The following ABCG2 variants were observed in gnomAD, a reference collection of about 807,000 sequenced individuals.
ABCG2 encodes the protein ATP binding cassette subfamily G member 2 (JR blood group), also known as broad substrate specificity ATP-binding cassette transporter ABCG2.
ABCG2 carries 80 observed loss-of-function variants against 73.5 expected under a neutral mutation model. The observed-to-expected ratio is 1.09, with a 90% confidence interval of 0.91 to 1.31. ABCG2 has a LOEUF of 1.31. Among genes scored for constraint, ABCG2 ranks in the 50% most tolerant of loss-of-function variants. ABCG2 has a pLI of 0.00. For missense variants in ABCG2, 796 were observed against 786.2 expected (o/e 1.01, Z -0.15); for synonymous variants, 269 against 282.4 (o/e 0.95, Z 0.48).
intron 1 of ABCG2, among the ~76,000 whole-genome samples, chr4:88,194,687 T>C (rs1021015602): frequency 1.7e-4 from 26 of 152,046 alleles, no homozygotes; most frequent in African/African-American, 5.6e-4. Flanking sequence ...TTTCTTCCAC[T>C]GTCTTACAGC....
chr4:88,183,034 G>A (rs773064102), intron 1 of ABCG2, among the ~76,000 whole-genome samples: 6 of 143,924 alleles, frequency 4.2e-5, no homozygotes, highest in South Asian at 2.2e-4. Context: ...GCAGTGAGCC[G>A]AGATCGCACC....
At chr4:88,185,955 C>CA (rs1469344665) in intron 1 of ABCG2, among the ~76,000 whole-genome samples, 1 of 152,042 alleles carries the variant, frequency 6.6e-6, no homozygotes, top group Non-Finnish European at 1.5e-5. Context: ...GGAGGTTTCT[C>CA]AAAAAACTAA....
chr4:88,132,495 G>A (rs1724960393), intron 3 of ABCG2, 81 bp downstream of exon 3: 1 of 1,428,738 alleles, frequency 7.0e-7, no homozygotes, highest in Non-Finnish European at 9.9e-7. Flanking sequence ...ATAAATACCT[G>A]CTCGCACACA....
At chr4:88,124,192 C>G (rs1049969416) in intron 5 of ABCG2, among the ~76,000 whole-genome samples, 1 of 152,160 alleles carries the variant, frequency 6.6e-6, no homozygotes, top group African/African-American at 2.4e-5. Context: ...AAAACTGGTA[C>G]CAGTGACTGC....
chr4:88,135,624 T>TGA (rs1277967551), intron 2 of ABCG2, among the ~76,000 whole-genome samples: 1 of 151,758 alleles, frequency 6.6e-6, no homozygotes, highest in South Asian at 2.1e-4. Context: ...TTTATCAGCG[T>TGA]GAAAGTGTGT....
chr4:88,102,784 G>A (rs957559555), intron 10 of ABCG2, among the ~76,000 whole-genome samples: 4 of 151,746 alleles, frequency 2.6e-5, no homozygotes, highest in African/African-American at 9.7e-5. Flanking sequence ...TTTAAATGGC[G>A]TAAAAACAAG....
chr4:88,202,354 T>TATATATATACATATATATATA (rs1553945717), intron 1 of ABCG2, among the ~76,000 whole-genome samples: 1 of 62,086 alleles, frequency 1.6e-5, no homozygotes, highest in Admixed American at 2.4e-4. Context: ...CTACAATTAT[T>TATATATATACATATATATATA]TATATATATA....
chr4:88,152,931 G>A (rs893086754), intron 1 of ABCG2, among the ~76,000 whole-genome samples: 3 of 152,070 alleles, frequency 2.0e-5, no homozygotes, highest in African/African-American at 7.2e-5. Context: ...GTGATATTGT[G>A]GGGTTGTTAG....
chr4:88,194,896 T>C (rs1283190943), intron 1 of ABCG2, among the ~76,000 whole-genome samples: 1 of 152,114 alleles, frequency 6.6e-6, no homozygotes, highest in East Asian at 1.9e-4. Flanking sequence ...ACTGGGACTT[T>C]GAGCTTTAAT....
chr4:88,109,410 T>C (rs546780512), intron 9 of ABCG2, among the ~76,000 whole-genome samples: 1 of 152,356 alleles, frequency 6.6e-6, no homozygotes, highest in African/African-American at 2.4e-5. Context: ...GTTTCAAAGT[T>C]CTAAAAATGT....
At chr4:88,220,965 G>A (rs1461568286) in intron 1 of ABCG2, among the ~76,000 whole-genome samples, 4 of 152,082 alleles carry the variant, frequency 2.6e-5, no homozygotes, top group East Asian at 1.9e-4. Context: ...AACCTCTTCC[G>A]TTTATAAATT....
At chr4:88,209,091 T>C (rs1729487278) in intron 1 of ABCG2, among the ~76,000 whole-genome samples, 1 of 151,962 alleles carries the variant, frequency 6.6e-6, no homozygotes, top group Admixed American at 6.6e-5. Context: ...GGCAGTCGGA[T>C]CACCTGAGGT....
At chr4:88,195,073 T>G (rs1434035645) in intron 1 of ABCG2, among the ~76,000 whole-genome samples, 1 of 152,136 alleles carries the variant, frequency 6.6e-6, no homozygotes, top group Non-Finnish European at 1.5e-5. Context: ...TTTTACACAT[T>G]TAAAATATTT....
intron 1 of ABCG2, among the ~76,000 whole-genome samples, chr4:88,144,689 T>C (rs1339889349): frequency 6.6e-6 from 1 of 152,086 alleles, no homozygotes; most frequent in Non-Finnish European, 1.5e-5. Flanking sequence ...ACTCCTGACC[T>C]CAGGTGATCC....
intron 14 of ABCG2, 116 bp downstream of exon 14, chr4:88,095,404 A>G: frequency 1.1e-6 from 1 of 872,116 alleles, no homozygotes; most frequent in African/African-American, 1.7e-5. Flanking sequence ...CCTAAAAGGG[A>G]GTTTCTGGAT....
At chr4:88,117,723 G>A (rs909194959) in intron 7 of ABCG2, among the ~76,000 whole-genome samples, 3 of 152,132 alleles carry the variant, frequency 2.0e-5, no homozygotes, top group Non-Finnish European at 4.4e-5. Context: ...AAATTTTAAG[G>A]CCTCATCTGT....
intron 1 of ABCG2, among the ~76,000 whole-genome samples, chr4:88,204,214 GA>G (rs745878741): frequency 6.6e-6 from 1 of 152,154 alleles, no homozygotes; most frequent in African/African-American, 2.4e-5. Flanking sequence ...GGGGTCAAAA[GA>G]TCGAGAATAT....
At chr4:88,169,117 G>A (rs1366089870) in intron 1 of ABCG2, among the ~76,000 whole-genome samples, 2 of 151,010 alleles carry the variant, frequency 1.3e-5, no homozygotes, top group African/African-American at 4.9e-5. Context: ...ACAGTCTCAG[G>A]TTACTGCAGC....
intron 7 of ABCG2, among the ~76,000 whole-genome samples, chr4:88,117,193 A>C (rs1723634927): frequency 6.6e-6 from 1 of 152,032 alleles, no homozygotes; most frequent in South Asian, 2.1e-4. Flanking sequence ...CCATGGTGGC[A>C]TGTGTCTATA....
Sources: allele counts gnomAD v4.1 joint callset (sites outside exome capture counted in the v4.1 genomes callset), GRCh38; gene constraint gnomAD v4.1.1; transcripts MANE v1.5; gene names NCBI Gene and HGNC (gene_info 2026-07-23, HGNC 2026-07-21).